The following NUP210L variants were observed in gnomAD, a reference collection of about 807,000 sequenced individuals.
NUP210L encodes the protein nucleoporin 210 like.
Under a neutral mutation model 208.5 loss-of-function variants are expected in NUP210L, and 74 were observed. The observed-to-expected ratio is 0.35, with a 90% confidence interval of 0.29 to 0.43. The LOEUF (loss-of-function observed/expected upper bound fraction) is 0.43. Ranked by LOEUF, NUP210L falls within the 20% of genes least tolerant of loss-of-function variation. NUP210L has a pLI of 1.00. For missense variants in NUP210L, 1,843 were observed against 2,289.4 expected (o/e 0.81, Z 3.98); for synonymous variants, 780 against 816.9 (o/e 0.95, Z 0.77).
chr1:154,075,412 T>A (rs1654980645), intron 16 of NUP210L, among the ~76,000 whole-genome samples: 1 of 151,792 alleles, frequency 6.6e-6, no homozygotes, highest in African/African-American at 2.4e-5. Flanking sequence ...ATAAATAAAT[T>A]TAACATAATC....
chr1:153,993,191 ATAAG>A (rs1457906480), intron 38 of NUP210L, 102 bp from the exon 39 acceptor site: 3 of 736,772 alleles, frequency 4.1e-6, no homozygotes, highest in African/African-American at 3.6e-5. Flanking sequence ...ATTCTTAAAA[ATAAG>A]TAATAGTAAT....
At chr1:154,036,144 G>T (rs1652529245) in intron 27 of NUP210L, among the ~76,000 whole-genome samples, 1 of 151,822 alleles carries the variant, frequency 6.6e-6, no homozygotes, top group African/African-American at 2.4e-5. Flanking sequence ...TGACCCACTG[G>T]TCATTCAGGA....
In NUP210L at chr1:154,058,123, T is replaced by C; in HGVS notation, c.3073A>G (p.Lys1025Glu). The C allele has an allele frequency of 6.2e-7, 1 of 1,614,138 alleles. No individual in the cohort carries two copies. The highest frequency in any genetic ancestry group is 8.5e-7 in the Non-Finnish European group (1 of 1,179,980). Residue 1025 changes from lysine (K) to glutamate (E), a missense_variant, in exon 22 of 40, where the codon AAA becomes GAA. Physicochemically the swap from Lys to Glu is moderately conservative, Grantham distance 56. This residue lies in a region of NUP210L where 781 missense variants were observed against 973.8 expected (regional missense o/e 0.80). Transcript: ENST00000368559. ...ACAATGGCAGAAGCCAACTGCAGTTTGAGTTCCATGTTTCTGAAGTATTTA... is the reference window on the plus strand; with the variant it reads ...ACAATGGCAGAAGCCAACTGCAGTTCGAGTTCCATGTTTCTGAAGTATTTA...
At chr1:154,015,749 A>ACACC (rs1491136384) in intron 33 of NUP210L, among the ~76,000 whole-genome samples, 103 of 147,490 alleles carry the variant, frequency 7.0e-4, no homozygotes, top group African/African-American at 1.9e-3. Context: ...ACACACACAC[A>ACACC]CCCCACAGAA....
chr1:154,134,010 C>T (rs1045380971), intron 7 of NUP210L, among the ~76,000 whole-genome samples: 1 of 151,666 alleles, frequency 6.6e-6, no homozygotes, highest in African/African-American at 2.4e-5. Flanking sequence ...ATTAGCCGGG[C>T]ATGGTGGCGC....
At chr1:154,147,094 G>A (rs1213359812) in intron 2 of NUP210L, among the ~76,000 whole-genome samples, 1 of 152,098 alleles carries the variant, frequency 6.6e-6, no homozygotes, top group Non-Finnish European at 1.5e-5. Flanking sequence ...CCCTTTTAAT[G>A]AATAGCATAT....
chr1:154,025,564 T>C (rs1183921193), exon 30 of NUP210L: 1 of 1,611,500 alleles, frequency 6.2e-7, no homozygotes, highest in Non-Finnish European at 8.5e-7. Context: ...TATGGTTGTT[T>C]GGTTGACTCC....
chr1:154,063,361 T>G (rs1272839531), intron 17 of NUP210L, among the ~76,000 whole-genome samples: 1 of 152,208 alleles, frequency 6.6e-6, no homozygotes, highest in African/African-American at 2.4e-5. Flanking sequence ...GAAAGAAGAA[T>G]GACAAGCTTT....
intron 35 of NUP210L, among the ~76,000 whole-genome samples, chr1:154,008,952 C>G (rs1337077496): frequency 6.6e-6 from 1 of 151,864 alleles, no homozygotes; most frequent in Non-Finnish European, 1.5e-5. Flanking sequence ...CTCTTTCGCC[C>G]AGTCTGGAGT....
intron 14 of NUP210L, among the ~76,000 whole-genome samples, chr1:154,098,178 C>T (rs1656268071): frequency 6.6e-6 from 1 of 152,232 alleles, no homozygotes; most frequent in South Asian, 2.1e-4. Context: ...GCACTGCAAG[C>T]AGCTTCCACG....
chr1:154,055,132 TTTCTTTC>T (rs1382646500), intron 23 of NUP210L, among the ~76,000 whole-genome samples: 16 of 44,296 alleles, frequency 3.6e-4, no homozygotes, highest in African/African-American at 1.7e-3. Flanking sequence ...CTTTTCTTTC[TTTCTTTC>T]TTTCTTTCTT....
chr1:154,106,821 C>T (rs754533789), intron 12 of NUP210L, among the ~76,000 whole-genome samples: 19 of 152,358 alleles, frequency 1.2e-4, no homozygotes, highest in South Asian at 2.1e-4. Flanking sequence ...TGCCGCCCAA[C>T]GCAGATATGT....
At chr1:153,994,119 A>G (rs566827890) in intron 38 of NUP210L, among the ~76,000 whole-genome samples, 3 of 152,210 alleles carry the variant, frequency 2.0e-5, no homozygotes, top group South Asian at 2.1e-4. Flanking sequence ...GACTCAAGCC[A>G]TCCTCCCACT....
intron 31 of NUP210L, 126 bp from the exon 32 acceptor site, chr1:154,022,469 GAGTA>G (rs1318412695): frequency 2.7e-6 from 2 of 728,010 alleles, no homozygotes; most frequent in Non-Finnish European, 4.7e-6. Flanking sequence ...CCACAATAAA[GAGTA>G]AGTAAGTATG....
intron 5 of NUP210L, 95 bp downstream of exon 5, chr1:154,139,707 G>A: frequency 1.1e-6 from 1 of 873,172 alleles, no homozygotes; most frequent in Non-Finnish European, 1.8e-6. Flanking sequence ...AAAAAAACAG[G>A]GCGGGTAGTG....
At position 154,109,913 on chromosome 1, in the gene NUP210L, A is replaced by T. The variant is rs113740235; in HGVS notation, c.1621-5703T>A. On this transcript the variant is annotated intron_variant, in intron 12 of 39. Coordinates refer to ENST00000368559, the Ensembl canonical transcript of NUP210L. ...ATACAGTGAAAGCAGTACTAAGAGG[A>T]AAGTTTATAGTAATGAATGCCTACA... Among the ~76,000 whole-genome samples the T allele has an allele frequency of 7.5e-4, 113 of 151,566 alleles. 2 individuals are homozygous for T. The highest frequency in any genetic ancestry group is 2.2e-3 in the African/African-American group (88 of 40,896).
intron 10 of NUP210L, 90 bp downstream of exon 10, chr1:154,126,233 G>A: frequency 3.8e-6 from 4 of 1,045,392 alleles, no homozygotes; most frequent in South Asian, 1.6e-5. Flanking sequence ...GATAAAGGTG[G>A]TATATGCTAT....
intron 16 of NUP210L, among the ~76,000 whole-genome samples, chr1:154,073,894 G>A (rs888632369): frequency 2.6e-5 from 4 of 151,852 alleles, no homozygotes; most frequent in African/African-American, 7.3e-5. Context: ...TCATAGGTAA[G>A]CTGATTGTTA....
chr1:153,996,915 C>T (rs1649921469), intron 37 of NUP210L, among the ~76,000 whole-genome samples: 1 of 139,228 alleles, frequency 7.2e-6, no homozygotes, highest in Non-Finnish European at 1.5e-5. Context: ...TCATGGCTTA[C>T]TGCAGCCTCC....
Sources: allele counts gnomAD v4.1 joint callset (sites outside exome capture counted in the v4.1 genomes callset), GRCh38; gene constraint gnomAD v4.1.1; regional missense constraint gnomAD v4.1.1; transcripts MANE v1.5; gene names NCBI Gene and HGNC (gene_info 2026-07-23, HGNC 2026-07-21).